Variants in PDE4D observed in about 807,000 individuals in gnomAD.
The protein encoded by PDE4D is 3',5'-cyclic-AMP phosphodiesterase 4D.
Under a neutral mutation model 87.4 loss-of-function variants are expected in PDE4D, and 24 were observed. The ratio of observed to expected loss-of-function variants is 0.27; its 90% CI spans 0.20 to 0.39. The LOEUF (loss-of-function observed/expected upper bound fraction) is 0.39, where lower values mean the gene tolerates loss of function less well. Among genes scored for constraint, PDE4D ranks in the 10% least tolerant of loss-of-function variants. The pLI is 1.00. For synonymous variants in PDE4D, 384 were observed against 383.2 expected, an observed-to-expected ratio of 1.00 and a Z score of -0.02; for missense variants, 714 against 1,041.0, an observed-to-expected ratio of 0.69 and a Z score of 4.32.
chr5:59,921,358 A>G (rs930759011), intron 3 of PDE4D, among the ~76,000 whole-genome samples: 2 of 152,160 alleles, frequency 1.3e-5, no homozygotes, highest in Non-Finnish European at 2.9e-5. Flanking sequence ...GTTAATTCTC[A>G]TTAAATATAA....
At chr5:60,455,186 G>T (rs1746379352) in intron 1 of PDE4D, among the ~76,000 whole-genome samples, 1 of 152,022 alleles carries the variant, frequency 6.6e-6, no homozygotes, top group Non-Finnish European at 1.5e-5. Flanking sequence ...CTCCAGAAAA[G>T]AAAAAGCAAA....
chr5:59,747,448 T>C (rs1234219129), intron 1 of PDE4D, among the ~76,000 whole-genome samples: 1 of 152,134 alleles, frequency 6.6e-6, no homozygotes, highest in African/African-American at 2.4e-5. Context: ...TCAATGATAG[T>C]TGAGGAAAAA....
At chr5:59,034,106 C>T (rs1758072187) in intron 6 of PDE4D, among the ~76,000 whole-genome samples, 1 of 152,070 alleles carries the variant, frequency 6.6e-6, no homozygotes. Context: ...TTTTTTCTAA[C>T]AGTGATTATA....
intron 2 of PDE4D, among the ~76,000 whole-genome samples, chr5:60,030,435 C>G (rs546841956): frequency 1.3e-5 from 2 of 152,022 alleles, no homozygotes; most frequent in Non-Finnish European, 2.9e-5. Context: ...CCGGCCTGGG[C>G]GACAGAGCGA....
chr5:59,541,435 T>G (rs961953194), intron 1 of PDE4D, among the ~76,000 whole-genome samples: 2 of 152,246 alleles, frequency 1.3e-5, no homozygotes, highest in African/African-American at 4.8e-5. Flanking sequence ...ATCAAACTTC[T>G]GGCAAATGTT....
chr5:59,824,858 C>G (rs1388962458), intron 1 of PDE4D, among the ~76,000 whole-genome samples: 2 of 152,148 alleles, frequency 1.3e-5, no homozygotes, highest in Non-Finnish European at 2.9e-5. Context: ...CTTGGACACA[C>G]CTTCACTTGG....
chr5:59,502,663 A>AGTGTGTGT (rs56100725), intron 1 of PDE4D, among the ~76,000 whole-genome samples: 346 of 135,254 alleles, frequency 2.6e-3, no homozygotes, highest in Non-Finnish European at 3.4e-3. Flanking sequence ...TCCTTAAGGT[A>AGTGTGTGT]GTGTGTGTGT....
At position 59,762,533 on chromosome 5, in the gene PDE4D, CATGTGTATATGTGTATATGGGTACACAT is replaced by C. The variant is rs1561617017; in HGVS notation, c.455+130607_455+130634del. Among the ~76,000 whole-genome samples the C allele has an allele frequency of 4.5e-3, 163 of 35,972 alleles. 2 individuals carry two copies. The highest frequency in any genetic ancestry group is 4.9e-3 in the Non-Finnish European group (84 of 17,032). 23.6% of individuals were successfully genotyped at this position (35,972 alleles called of 152,430 possible). ...ATGTGTATATGTGTATATGGGTACACATGTGTATATGTGTATATGGGTACACATATGTGTATATGTGTATATGGGTACA... is the reference window on the plus strand; with the variant it reads ...ATGTGTATATGTGTATATGGGTACACATGTGTATATGTGTATATGGGTACA... On this transcript the variant is annotated intron_variant, in intron 1 of 14. Transcript: ENST00000340635.
intron 2 of PDE4D, among the ~76,000 whole-genome samples, chr5:60,073,182 T>C (rs1472517233): frequency 1.3e-5 from 2 of 152,144 alleles, no homozygotes; most frequent in Non-Finnish European, 2.9e-5. Context: ...CTGAGGTACG[T>C]TCCTTCAGTA....
chr5:59,095,748 A>G (rs776354428), intron 5 of PDE4D, among the ~76,000 whole-genome samples: 2 of 152,156 alleles, frequency 1.3e-5, no homozygotes, highest in Non-Finnish European at 2.9e-5. Context: ...CTAATTCTCA[A>G]GACCATTTTG....
At chr5:59,394,192 G>A (rs928947650) in intron 1 of PDE4D, among the ~76,000 whole-genome samples, 1 of 152,156 alleles carries the variant, frequency 6.6e-6, no homozygotes, top group Non-Finnish European at 1.5e-5. Flanking sequence ...TGGAATTGAG[G>A]CTGTGTTCTG....
intron 5 of PDE4D, among the ~76,000 whole-genome samples, chr5:59,141,457 C>T (rs947483322): frequency 6.6e-6 from 1 of 152,120 alleles, no homozygotes; most frequent in African/African-American, 2.4e-5. Flanking sequence ...GATCTTGTTC[C>T]TTGGTGTTTT....
At chr5:59,722,308 T>C (rs1450988809) in intron 1 of PDE4D, among the ~76,000 whole-genome samples, 1 of 152,222 alleles carries the variant, frequency 6.6e-6, no homozygotes, top group Admixed American at 6.5e-5. Flanking sequence ...AAGTCTCTAA[T>C]ACAAGATTCA....
intron 1 of PDE4D, among the ~76,000 whole-genome samples, chr5:60,351,969 CTTTTT>C (rs1019080741): frequency 7.2e-6 from 1 of 138,726 alleles, no homozygotes; most frequent in Admixed American, 7.2e-5. Flanking sequence ...CCACACCCGG[CTTTTT>C]TTTTTTTTTC....
intron 1 of PDE4D, among the ~76,000 whole-genome samples, chr5:59,667,775 C>T (rs1045407986): frequency 2.2e-4 from 33 of 152,314 alleles, no homozygotes; most frequent in African/African-American, 7.0e-4. Context: ...CTTGCTGAGT[C>T]TAACCCACTA....
chr5:60,063,076 G>GAAGA (rs371293986), intron 2 of PDE4D, among the ~76,000 whole-genome samples: 1,980 of 115,560 alleles, frequency 0.017, 47 homozygotes, highest in Middle Eastern at 0.029. Context: ...AAAACTTAAA[G>GAAGA]AAGAAAGAAA....
chr5:59,365,442 G>A (rs1782898242), intron 1 of PDE4D, among the ~76,000 whole-genome samples: 1 of 152,108 alleles, frequency 6.6e-6, no homozygotes, highest in Non-Finnish European at 1.5e-5. Context: ...CTCCAGCCTG[G>A]CTGACAGAGT....
At chr5:60,438,596 A>G (rs568704078) in intron 1 of PDE4D, among the ~76,000 whole-genome samples, 1 of 152,178 alleles carries the variant, frequency 6.6e-6, no homozygotes, top group African/African-American at 2.4e-5. Flanking sequence ...TGAGTAACCC[A>G]AGTCAGTCTA....
intron 1 of PDE4D, among the ~76,000 whole-genome samples, chr5:59,650,286 T>C (rs1456414203): frequency 1.3e-5 from 2 of 152,300 alleles, no homozygotes; most frequent in African/African-American, 4.8e-5. Flanking sequence ...ATGTTTATGG[T>C]AGTCAATAAA....
Sources: gnomAD v4.1 joint callset for allele counts (sites outside exome capture counted in the v4.1 genomes callset) on GRCh38, gnomAD v4.1.1 for gene constraint, MANE v1.5 for transcripts, NCBI Gene and HGNC (gene_info 2026-07-23, HGNC 2026-07-21) for gene names.